Variants in TMPRSS7 observed in about 807,000 individuals in gnomAD.
TMPRSS7 encodes the protein transmembrane protease serine 7.
TMPRSS7 carries 81 observed loss-of-function variants against 95.6 expected under a neutral mutation model. That is an observed-to-expected ratio of 0.85 (90% CI 0.71 to 1.02). TMPRSS7 has a LOEUF of 1.02. Ranked by LOEUF, TMPRSS7 falls within the 50% of genes least tolerant of loss-of-function variation. The pLI, the probability that TMPRSS7 is intolerant of heterozygous loss-of-function variation, is 0.00. For missense variants in TMPRSS7, 945 were observed against 955.2 expected (o/e 0.99, Z 0.14); for synonymous variants, 364 against 337.8 (o/e 1.08, Z -0.85).
exon 7 of TMPRSS7, chr3:112,047,745 G>A (rs2073297294): frequency 6.2e-7 from 1 of 1,612,370 alleles, no homozygotes; most frequent in South Asian, 1.1e-5. Flanking sequence ...ACAGACAAAG[G>A]CTGCTCTCAG....
intron 13 of TMPRSS7, 104 bp from the exon 14 acceptor site, chr3:112,074,192 G>A: frequency 2.5e-6 from 2 of 797,638 alleles, no homozygotes. Flanking sequence ...CCAATCCTGT[G>A]ATTAAACCAT....
intron 12 of TMPRSS7, among the ~76,000 whole-genome samples, chr3:112,065,405 A>G (rs978924240): frequency 6.6e-6 from 1 of 152,194 alleles, no homozygotes; most frequent in Non-Finnish European, 1.5e-5. Flanking sequence ...TGGTTCATTG[A>G]TTATTTAAAT....
chr3:112,057,444 T>G (rs939490373), intron 10 of TMPRSS7, among the ~76,000 whole-genome samples: 2 of 152,150 alleles, frequency 1.3e-5, no homozygotes, highest in African/African-American at 2.4e-5. Context: ...TATAATAAAT[T>G]GGGGTTCTGC....
At chr3:112,068,241 T>C (rs969512860) in intron 13 of TMPRSS7, among the ~76,000 whole-genome samples, 7 of 152,228 alleles carry the variant, frequency 4.6e-5, no homozygotes, top group African/African-American at 1.7e-4. Context: ...TGTAGTATAA[T>C]TTGAAATCAG....
At chr3:112,039,918 T>C (rs1211008306) in intron 2 of TMPRSS7, among the ~76,000 whole-genome samples, 1 of 152,154 alleles carries the variant, frequency 6.6e-6, no homozygotes, top group African/African-American at 2.4e-5. Context: ...AGTAAGAATG[T>C]GCCTTTAACC....
Position 112,047,954 on chromosome 3 carries a change from A to T in TMPRSS7, c.946A>T (p.Ser316Cys), listed in dbSNP as rs2073300688. ...CGACTCCCTTTTGCCCATCCGGAGC[A>T]GCATCTTGTACAGGTACGATGCAGG... The change falls in exon 7 of 18, where the codon AGC becomes TGC. Residue 316 changes from serine to cysteine, a missense_variant. Transcript: ENST00000452346. 1 of 1,613,930 alleles carries T rather than the reference A, an allele frequency of 6.2e-7. No individual in the cohort carries two copies. Among genetic ancestry groups the T allele is most frequent in the Non-Finnish European group, 8.5e-7 (1 of 1,179,846 alleles).
exon 18 of TMPRSS7, chr3:112,081,005 G>T: frequency 6.2e-7 from 1 of 1,613,756 alleles, no homozygotes; most frequent in East Asian, 2.2e-5. Flanking sequence ...GGAAGTGGAC[G>T]ACCAAACTTT....
chr3:112,059,968 T>A (rs1432443816), intron 10 of TMPRSS7, among the ~76,000 whole-genome samples: 1 of 152,186 alleles, frequency 6.6e-6, no homozygotes, highest in Non-Finnish European at 1.5e-5. Flanking sequence ...TCATGTAGGT[T>A]CTTTTCTATT....
At chr3:112,065,244 G>T (rs2073561275) in intron 12 of TMPRSS7, among the ~76,000 whole-genome samples, 2 of 152,008 alleles carry the variant, frequency 1.3e-5, no homozygotes, top group African/African-American at 4.8e-5. Flanking sequence ...GTCTCACTGT[G>T]TTGCCCAAGC....
intron 10 of TMPRSS7, 106 bp downstream of exon 10, chr3:112,057,237 G>A: frequency 1.3e-6 from 1 of 756,594 alleles, no homozygotes; most frequent in South Asian, 1.8e-5. Flanking sequence ...TACAGTTAGG[G>A]AAACTGAGGG....
chr3:112,045,684 C>T, intron 4 of TMPRSS7, 66 bp from the exon 5 acceptor site: 3 of 1,437,002 alleles, frequency 2.1e-6, no homozygotes, highest in Non-Finnish European at 2.8e-6. Context: ...TTGAATCCAT[C>T]ATCTGGGTAT....
intron 16 of TMPRSS7, 90 bp downstream of exon 16, chr3:112,077,234 T>C: frequency 2.1e-6 from 3 of 1,440,200 alleles, no homozygotes; most frequent in Non-Finnish European, 2.8e-6. Flanking sequence ...AGAGGGTTTG[T>C]GTATATGATC....
At chr3:112,047,943 C>A in exon 7 of TMPRSS7, 1 of 1,614,044 alleles carries the variant, frequency 6.2e-7, no homozygotes, top group South Asian at 1.1e-5. Context: ...TCCCTTTTGC[C>A]CATCCGGAGC....
intron 13 of TMPRSS7, among the ~76,000 whole-genome samples, chr3:112,070,027 A>G (rs146354141): frequency 0.025 from 3,791 of 152,200 alleles, 125 homozygotes; most frequent in African/African-American, 0.07. Flanking sequence ...GGTACATTGC[A>G]TCTTTGTTCT....
Position 112,074,352 on chromosome 3 carries a change from C to T in TMPRSS7, c.1723C>T (p.Gln575Ter), listed in dbSNP as rs372741294. 3.1e-5 allele frequency: 50 copies of T among 1,613,900 alleles called. No homozygotes were observed. In the South Asian group the frequency reaches 5.2e-4, roughly 17 times the overall value. ...TGGCAATGATATTTGCTTTAGGAAACAAAATGCAAAATGTGATGGGACAGT... is the reference window on the plus strand; with the variant it reads ...TGGCAATGATATTTGCTTTAGGAAATAAAATGCAAAATGTGATGGGACAGT... The change falls in exon 14 of 18, where the codon CAA becomes TAA. Residue 575 changes from glutamine (Q) to a stop codon, truncating the protein, a stop_gained. Transcript: ENST00000452346. LOFTEE classifies it high-confidence loss of function.
intron 13 of TMPRSS7, among the ~76,000 whole-genome samples, chr3:112,068,452 A>C (rs1401437888): frequency 1.3e-5 from 2 of 152,214 alleles, no homozygotes; most frequent in Non-Finnish European, 2.9e-5. Context: ...CTTCCTATCC[A>C]TGAGCATGGA....
intron 3 of TMPRSS7, chr3:112,043,087 T>C (rs2073231095): frequency 4.4e-6 from 2 of 455,922 alleles, no homozygotes; most frequent in South Asian, 3.1e-5. Context: ...ACCCTTTGCC[T>C]CTAATATTTA....
chr3:112,057,534 G>C (rs1175499698), intron 10 of TMPRSS7, among the ~76,000 whole-genome samples: 1 of 152,142 alleles, frequency 6.6e-6, no homozygotes, highest in Admixed American at 6.5e-5. Flanking sequence ...CCTGAGACTG[G>C]GAAATGGGTT....
chr3:112,076,521 G>C (rs1445144013), intron 15 of TMPRSS7, among the ~76,000 whole-genome samples: 1 of 152,210 alleles, frequency 6.6e-6, no homozygotes, highest in Non-Finnish European at 1.5e-5. Flanking sequence ...TTGTCAGCAT[G>C]AATAGGAAGA....
Sources: gnomAD v4.1 joint callset for allele counts (sites outside exome capture counted in the v4.1 genomes callset) on GRCh38, gnomAD v4.1.1 for gene constraint, MANE v1.5 for transcripts, NCBI Gene and HGNC (gene_info 2026-07-23, HGNC 2026-07-21) for gene names.